Variants in RIN2 observed in about 807,000 individuals in gnomAD.
RIN2 encodes the protein Ras and Rab interactor 2, also known as RAB5 interacting protein 2.
Under a neutral mutation model 78.0 loss-of-function variants are expected in RIN2, and 36 were observed. That is an observed-to-expected ratio of 0.46 (90% CI 0.35 to 0.61). The LOEUF (loss-of-function observed/expected upper bound fraction) is 0.61. RIN2 is among the 20% of genes least tolerant of loss of function. The pLI is 0.00. For synonymous variants in RIN2, 466 were observed against 466.8 expected, an observed-to-expected ratio of 1.00 and a Z score of 0.02; for missense variants, 1,087 against 1,159.7, an observed-to-expected ratio of 0.94 and a Z score of 0.91.
intron 2 of RIN2, among the ~76,000 whole-genome samples, chr20:19,831,194 C>T (rs925479485): frequency 6.6e-6 from 1 of 152,162 alleles, no homozygotes; most frequent in African/African-American, 2.4e-5. Context: ...GCCAACTGCT[C>T]TCAGCAAGGA....
chr20:19,933,429 A>T (rs2040512563), intron 3 of RIN2, among the ~76,000 whole-genome samples: 1 of 152,158 alleles, frequency 6.6e-6, no homozygotes, highest in South Asian at 2.1e-4. Context: ...TGCCCTGACC[A>T]ACCCGCCCTG....
At chr20:19,840,106 G>A (rs1295802643) in intron 2 of RIN2, among the ~76,000 whole-genome samples, 1 of 152,206 alleles carries the variant, frequency 6.6e-6, no homozygotes, top group African/African-American at 2.4e-5. Flanking sequence ...TCCCTACAAT[G>A]AGTAGTTATT....
At chr20:19,903,867 T>C (rs959503035) in intron 3 of RIN2, among the ~76,000 whole-genome samples, 2 of 152,216 alleles carry the variant, frequency 1.3e-5, no homozygotes, top group African/African-American at 2.4e-5. Context: ...GTGTCCTGCA[T>C]GCTCCTTGAG....
chr20:19,988,211 AG>A (rs1309636444), intron 9 of RIN2, among the ~76,000 whole-genome samples: 1 of 152,152 alleles, frequency 6.6e-6, no homozygotes, highest in African/African-American at 2.4e-5. Context: ...CTTTGCCTCC[AG>A]GGTTCAAGAG....
chr20:19,803,741 A>G (rs1283039154), intron 2 of RIN2, among the ~76,000 whole-genome samples: 3 of 152,150 alleles, frequency 2.0e-5, no homozygotes, highest in African/African-American at 7.2e-5. Flanking sequence ...AAGAATGTCA[A>G]TGGTAGTTTA....
chr20:19,844,927 C>T (rs2036735214), intron 2 of RIN2, among the ~76,000 whole-genome samples: 1 of 151,944 alleles, frequency 6.6e-6, no homozygotes, highest in South Asian at 2.1e-4. Flanking sequence ...TGTTCCCCTC[C>T]CTGTGTCCAT....
At chr20:19,859,135 A>C (rs915478530) in intron 2 of RIN2, among the ~76,000 whole-genome samples, 1 of 152,192 alleles carries the variant, frequency 6.6e-6, no homozygotes, top group African/African-American at 2.4e-5. Context: ...TTGGGACTAC[A>C]TTGATGAATC....
At chr20:19,853,406 G>C in intron 2 of RIN2, among the ~76,000 whole-genome samples, 1 of 152,108 alleles carries the variant, frequency 6.6e-6, no homozygotes, top group Non-Finnish European at 1.5e-5. Flanking sequence ...CCAGTAATGG[G>C]ATGGCTGGGT....
chr20:19,772,006 G>GT (rs1305143896), intron 1 of RIN2, among the ~76,000 whole-genome samples: 4 of 152,136 alleles, frequency 2.6e-5, no homozygotes, highest in African/African-American at 9.7e-5. Context: ...CATGCCGACT[G>GT]TAGGCTCCAG....
At chr20:19,959,632 T>A (rs2041671279) in intron 5 of RIN2, among the ~76,000 whole-genome samples, 1 of 151,912 alleles carries the variant, frequency 6.6e-6, no homozygotes, top group South Asian at 2.1e-4. Context: ...GGAGCAAAGA[T>A]TAGGCAGGGA....
Position 19,990,284 on chromosome 20 carries a change from A to G in RIN2, c.2041A>G (p.Ile681Val), listed in dbSNP as rs2042756772. The part of the protein sequence containing the change: ...VMLLLRVCKL[I>V]YTVMENNSGR... Reference sequence around the variant, plus strand: ...GCTGCTGCTGCGGGTCTGCAAGCTCATTTACACGGTCATGGAGAACAACTC... The same window carrying G: ...GCTGCTGCTGCGGGTCTGCAAGCTCGTTTACACGGTCATGGAGAACAACTC... The change falls in exon 10 of 13, where the codon ATT (isoleucine) becomes GTT (valine). Residue 681 changes from isoleucine (I) to valine (V), a missense_variant. Coordinates refer to ENST00000255006, the MANE Select transcript of RIN2 (RefSeq NM_018993.4). The G allele has an allele frequency of 5.6e-6, 9 of 1,613,500 alleles. No individual in the cohort carries two copies. Among genetic ancestry groups the G allele is most frequent in the Non-Finnish European group, 7.6e-6 (9 of 1,179,712 alleles).
intron 4 of RIN2, among the ~76,000 whole-genome samples, chr20:19,956,125 G>A (rs957809948): frequency 2.6e-5 from 4 of 151,786 alleles, no homozygotes; most frequent in African/African-American, 9.7e-5. Flanking sequence ...GGGCATTGTG[G>A]TGTGCGCCTA....
intron 2 of RIN2, among the ~76,000 whole-genome samples, chr20:19,877,878 A>G (rs2037904175): frequency 1.3e-5 from 2 of 151,934 alleles, no homozygotes; most frequent in Non-Finnish European, 2.9e-5. Flanking sequence ...AAATTATCCA[A>G]GTGTGGTGGT....
chr20:19,912,780 G>A (rs114097165), intron 3 of RIN2, among the ~76,000 whole-genome samples: 2,010 of 152,192 alleles, frequency 0.013, 35 homozygotes, highest in African/African-American at 0.046. Context: ...CGACCACGCC[G>A]GGATGGTCAT....
At chr20:19,977,082 G>T (rs1395786473) in intron 9 of RIN2, among the ~76,000 whole-genome samples, 1 of 152,162 alleles carries the variant, frequency 6.6e-6, no homozygotes, top group African/African-American at 2.4e-5. Flanking sequence ...CACACAGGCT[G>T]CCTTTTTCCC....
intron 2 of RIN2, among the ~76,000 whole-genome samples, chr20:19,848,663 G>GTT (rs11480052): frequency 4.5e-4 from 68 of 151,038 alleles, no homozygotes; most frequent in Middle Eastern, 3.4e-3. Flanking sequence ...GAATGAAACA[G>GTT]TTTTTTTTTC....
At chr20:19,963,435 C>A (rs1285740362) in intron 6 of RIN2, among the ~76,000 whole-genome samples, 2 of 151,998 alleles carry the variant, frequency 1.3e-5, no homozygotes, top group African/African-American at 4.8e-5. Flanking sequence ...CATGGAGAAA[C>A]CCCGTCTCTA....
chr20:19,885,116 A>T (rs1195479842), intron 2 of RIN2, among the ~76,000 whole-genome samples: 1 of 152,232 alleles, frequency 6.6e-6, no homozygotes, highest in Non-Finnish European at 1.5e-5. Context: ...ACTTGAGTAC[A>T]CTAAGTGTCT....
chr20:19,915,515 T>C (rs439326), intron 3 of RIN2, among the ~76,000 whole-genome samples: 105,296 of 152,068 alleles, frequency 0.69, 37,494 homozygotes, highest in East Asian at 0.96. Context: ...TTCCAAGGGT[T>C]GTGGGCAGAG....
Sources: gnomAD v4.1 joint callset for allele counts (sites outside exome capture counted in the v4.1 genomes callset) on GRCh38, gnomAD v4.1.1 for gene constraint, MANE v1.5 for transcripts, NCBI Gene and HGNC (gene_info 2026-07-23, HGNC 2026-07-21) for gene names.